OSBPL9: variants seen among roughly 807,000 people sequenced by gnomAD.
OSBPL9 encodes oxysterol-binding protein-related protein 9.
In OSBPL9, 40 loss-of-function variants were observed where a neutral mutation model predicts 106.6. The ratio of observed to expected loss-of-function variants is 0.38; its 90% CI spans 0.29 to 0.49. The LOEUF (loss-of-function observed/expected upper bound fraction) is 0.49, where lower values mean the gene tolerates loss of function less well. Ranked by LOEUF, OSBPL9 falls within the 20% of genes least tolerant of loss-of-function variation. The pLI is 0.97. For missense variants in OSBPL9, 609 were observed against 887.2 expected (o/e 0.69, Z 3.98); for synonymous variants, 269 against 295.4 (o/e 0.91, Z 0.92).
In OSBPL9 at chr1:51,788,776, TAG is replaced by T. The variant is rs1491498694; in HGVS notation, c.*989_*990del. Among the ~76,000 whole-genome samples, 1 of 151,686 alleles carries T rather than the reference TAG, an allele frequency of 6.6e-6. No homozygotes were observed. Among genetic ancestry groups the T allele is most frequent in the Non-Finnish European group, 1.5e-5 (1 of 68,014 alleles). ...CCCACAGTGAACAAAAATAGATAGA[TAG>T]ATAGAATAAAATGAATGCCACAGCA... On this transcript the variant is annotated 3_prime_UTR_variant, in exon 24 of 24. Transcript: ENST00000428468.
At chr1:51,617,307 G>A in intron 1 of OSBPL9, 86 bp downstream of exon 1, 1 of 1,381,966 alleles carries the variant, frequency 7.2e-7, no homozygotes, top group East Asian at 2.5e-5. Context: ...AGGTGGCTGA[G>A]TTGAGGTTGC....
At chr1:51,630,158 C>A (rs1645020154) in intron 1 of OSBPL9, among the ~76,000 whole-genome samples, 1 of 151,992 alleles carries the variant, frequency 6.6e-6, no homozygotes, top group African/African-American at 2.4e-5. Context: ...GGTGTAGTTG[C>A]ATTTCTCAGT....
chr1:51,776,457 T>C (rs2149123773), intron 14 of OSBPL9, among the ~76,000 whole-genome samples: 1 of 152,324 alleles, frequency 6.6e-6, no homozygotes, highest in East Asian at 1.9e-4. Context: ...ATAATATGTA[T>C]GTAATATACA....
chr1:51,744,769 A>G (rs1667620260), intron 4 of OSBPL9, among the ~76,000 whole-genome samples: 1 of 152,220 alleles, frequency 6.6e-6, no homozygotes. Flanking sequence ...TAAGAACTCA[A>G]AAGTTTCTTT....
chr1:51,673,208 A>T lies in OSBPL9; in HGVS notation c.241+3696A>T, dbSNP rs79468387. ...AAGGTGTTTCTAGGAGGAGAGAAGG[A>T]TCAGCAACTATGTCAAATGCTACTG... On this transcript the variant is annotated intron_variant, in intron 3 of 23. Coordinates refer to ENST00000428468, the MANE Select transcript of OSBPL9 (RefSeq NM_024586.6). Among the ~76,000 whole-genome samples the T allele has an allele frequency of 2.3e-3, 352 of 152,328 alleles. 4 individuals are homozygous for T. Among genetic ancestry groups the T allele is most frequent in the African/African-American group, 8.3e-3 (344 of 41,576 alleles).
the OSBPL9 span, among the ~76,000 whole-genome samples, chr1:51,569,327 A>G: frequency 1.3e-5 from 2 of 152,172 alleles, no homozygotes; most frequent in Non-Finnish European, 2.9e-5. Flanking sequence ...ATTTCTTAAT[A>G]TGGTACCATG....
In OSBPL9 at chr1:51,749,517, A is replaced by G. The variant is rs189445434; in HGVS notation, c.493-628A>G. 10 of 428,102 alleles carry G rather than the reference A, an allele frequency of 2.3e-5. 1 individual carries two copies. Among genetic ancestry groups the G allele is most frequent in the South Asian group, 9.9e-5 (6 of 60,640 alleles). The allele number at this position is 428,102 out of a possible 1,614,324, so 26.5% of individuals were successfully genotyped here. A position where few individuals can be genotyped will look rare whatever the true frequency, so the allele number is the denominator to read the frequency against. Reference sequence around the variant, plus strand: ...TTTTTTATAGAGATGGGATTCTGCTATGTTGCCTAGGCTGGTCTCCTAGCC... The same window carrying G: ...TTTTTTATAGAGATGGGATTCTGCTGTGTTGCCTAGGCTGGTCTCCTAGCC... On this transcript the variant is annotated intron_variant, in intron 7 of 23. Coordinates refer to ENST00000428468, the MANE Select transcript of OSBPL9 (RefSeq NM_024586.6).
chr1:51,735,595 A>T (rs559881008), intron 4 of OSBPL9, among the ~76,000 whole-genome samples: 1 of 152,198 alleles, frequency 6.6e-6, no homozygotes, highest in Non-Finnish European at 1.5e-5. Flanking sequence ...TTGTAGACAG[A>T]TATATATTCC....
chr1:51,626,403 C>T (rs550173625), intron 1 of OSBPL9, among the ~76,000 whole-genome samples: 1 of 152,072 alleles, frequency 6.6e-6, no homozygotes, highest in Non-Finnish European at 1.5e-5. Flanking sequence ...TAACTTCTTC[C>T]TCACTACAGA....
intron 1 of OSBPL9, among the ~76,000 whole-genome samples, chr1:51,645,302 ATATC>A (rs1447025150): frequency 2.0e-5 from 3 of 152,162 alleles, no homozygotes; most frequent in Non-Finnish European, 4.4e-5. Flanking sequence ...CTTAGGCAAA[ATATC>A]TACTCACATC....
chr1:51,675,176 C>T (rs368811762), intron 3 of OSBPL9, among the ~76,000 whole-genome samples: 13 of 152,204 alleles, frequency 8.5e-5, no homozygotes, highest in African/African-American at 3.1e-4. Context: ...AGATTCCAGT[C>T]ATTAAGCAGT....
intron 1 of OSBPL9, among the ~76,000 whole-genome samples, chr1:51,644,826 G>T (rs1323562671): frequency 6.6e-6 from 1 of 152,096 alleles, no homozygotes; most frequent in Non-Finnish European, 1.5e-5. Flanking sequence ...CTCAGTTCTT[G>T]TATCAACTCC....
Position 51,772,717 on chromosome 1 carries a change from T to G in OSBPL9, c.1164T>G (p.Leu388=). The change falls in exon 14 of 24, where the codon CTT becomes CTG. Residue 388 remains leucine (L), a synonymous_variant. Coordinates refer to ENST00000428468, the MANE Select transcript of OSBPL9 (RefSeq NM_024586.6). The stretch of plus-strand genomic sequence containing the variant: ...CGCAGGTTAGACTTGGAATGGATCT[T>G]ACTAAGGTAAGACCAAATTTGCTGT... ...LLSQVRLGMD[L]TKVVLPTFIL... is the part of the protein sequence containing the mutation. 6.2e-7 allele frequency: 1 copy of G among 1,613,738 alleles called. No individual in the cohort carries two copies. Among genetic ancestry groups the G allele is most frequent in the East Asian group, 2.2e-5 (1 of 44,888 alleles).
intron 1 of OSBPL9, among the ~76,000 whole-genome samples, chr1:51,628,689 T>C (rs1456490586): frequency 6.8e-6 from 1 of 146,790 alleles, no homozygotes; most frequent in Non-Finnish European, 1.5e-5. Flanking sequence ...TTTTTCTTTT[T>C]TTTTTTTTTT....
intron 21 of OSBPL9, chr1:51,786,147 T>A: frequency 2.0e-6 from 1 of 491,414 alleles, no homozygotes; most frequent in Non-Finnish European, 3.6e-6. Context: ...GAGAATAATA[T>A]ATGTAAAACA....
chr1:51,630,549 C>T (rs547081387), intron 1 of OSBPL9, among the ~76,000 whole-genome samples: 1 of 152,240 alleles, frequency 6.6e-6, no homozygotes, highest in Admixed American at 6.5e-5. Context: ...GTATAGGGCA[C>T]TTACCATGAA....
the OSBPL9 span, among the ~76,000 whole-genome samples, chr1:51,549,959 AG>A: frequency 2.0e-5 from 3 of 152,230 alleles, no homozygotes; most frequent in Non-Finnish European, 2.9e-5. Context: ...GTGCAGTGGA[AG>A]GATAAACTGT....
At chr1:51,687,308 C>T (rs986423585) in intron 3 of OSBPL9, among the ~76,000 whole-genome samples, 2 of 152,128 alleles carry the variant, frequency 1.3e-5, no homozygotes, top group Non-Finnish European at 1.5e-5. Context: ...GTACCAAAGG[C>T]TTAAGTACAT....
the OSBPL9 span, among the ~76,000 whole-genome samples, chr1:51,562,309 C>T: frequency 1.3e-5 from 2 of 152,098 alleles, no homozygotes; most frequent in Admixed American, 6.6e-5. Flanking sequence ...GCACCTCCCC[C>T]CTTTCTCTCT....
Sources: allele counts gnomAD v4.1 joint callset (sites outside exome capture counted in the v4.1 genomes callset), GRCh38; gene constraint gnomAD v4.1.1; transcripts MANE v1.5; gene names NCBI Gene and HGNC (gene_info 2026-07-23, HGNC 2026-07-21).